PCTP: variants seen among roughly 807,000 people sequenced by gnomAD.
PCTP encodes the protein START domain-containing protein 2.
PCTP carries 27 observed loss-of-function variants against 31.0 expected under a neutral mutation model. The observed-to-expected ratio is 0.87, with a 90% CI of 0.64 to 1.20. The LOEUF (loss-of-function observed/expected upper bound fraction) is 1.20. Ranked by LOEUF, PCTP falls within the 50% of genes most tolerant of loss-of-function variation. The pLI is 0.00. For synonymous variants in PCTP, 108 were observed against 101.2 expected (o/e 1.07, Z -0.40); for missense variants, 287 against 268.2 (o/e 1.07, Z -0.49).
intron 3 of PCTP, among the ~76,000 whole-genome samples, chr17:55,817,067 T>G (rs560578528): frequency 6.6e-6 from 1 of 152,304 alleles, no homozygotes; most frequent in Admixed American, 6.5e-5. Flanking sequence ...GTTAGATAAA[T>G]GACCAGGAGT....
intron 1 of PCTP, among the ~76,000 whole-genome samples, chr17:55,755,450 G>A (rs1185372988): frequency 6.6e-6 from 1 of 152,192 alleles, no homozygotes; most frequent in Admixed American, 6.5e-5. Context: ...TGAAAGAAGA[G>A]TAGAGGCTCT....
At position 55,842,158 on chromosome 17, in the gene PCTP, A is replaced by C. The variant is rs547519471; in HGVS notation, n.506-569A>C. Among the ~76,000 whole-genome samples, 21 of 152,054 alleles carry C rather than the reference A, an allele frequency of 1.4e-4. 1 individual carries two copies. Among genetic ancestry groups the C allele is most frequent in the Admixed American group, 2.6e-4 (4 of 15,284 alleles). Reference sequence around the variant, plus strand: ...TTGAGGGGAGCAACAGGCAATAAACAATAACTATAATAAACAAGTTACAAT... The same window carrying C: ...TTGAGGGGAGCAACAGGCAATAAACCATAACTATAATAAACAAGTTACAAT... On this transcript the variant is annotated intron_variant and non_coding_transcript_variant, in intron 5 of 5. Transcript: ENST00000576221.
intron 3 of PCTP, among the ~76,000 whole-genome samples, chr17:55,820,717 T>C (rs1181091987): frequency 6.6e-6 from 1 of 151,916 alleles, no homozygotes; most frequent in African/African-American, 2.4e-5. Context: ...AAATGGAAAA[T>C]AATCTGAATA....
intron 3 of PCTP, among the ~76,000 whole-genome samples, chr17:55,821,190 A>G (rs1208207383): frequency 6.6e-6 from 1 of 152,242 alleles, no homozygotes; most frequent in East Asian, 1.9e-4. Flanking sequence ...ATATCTGTAC[A>G]ATGAAATATT....
intron 5 of PCTP, among the ~76,000 whole-genome samples, chr17:55,834,053 G>A (rs969560676): frequency 1.3e-5 from 2 of 152,086 alleles, no homozygotes; most frequent in East Asian, 1.9e-4. Context: ...TGTATCTCAC[G>A]AAACACAAGC....
At chr17:55,822,599 A>G (rs1374663534) in intron 3 of PCTP, among the ~76,000 whole-genome samples, 1 of 152,196 alleles carries the variant, frequency 6.6e-6, no homozygotes, top group East Asian at 1.9e-4. Context: ...CAATTTAAGA[A>G]TATACTCTTT....
At chr17:55,763,077 T>C (rs1409587649) in intron 1 of PCTP, among the ~76,000 whole-genome samples, 2 of 152,174 alleles carry the variant, frequency 1.3e-5, no homozygotes, top group Non-Finnish European at 2.9e-5. Context: ...CTGGAGGAGC[T>C]TCAGGAAAAG....
At chr17:55,801,507 A>G (rs1912380141) in intron 3 of PCTP, among the ~76,000 whole-genome samples, 1 of 152,182 alleles carries the variant, frequency 6.6e-6, no homozygotes, top group African/African-American at 2.4e-5. Context: ...AAATCATAAC[A>G]AACAGTCTCT....
intron 3 of PCTP, 94 bp downstream of exon 3, chr17:55,771,279 C>A: frequency 1.1e-6 from 1 of 916,256 alleles, no homozygotes; most frequent in Non-Finnish European, 1.8e-6. Context: ...GCTGGTTTCT[C>A]AGCAGGCACA....
chr17:55,844,862 G>A (rs773816039), downstream of PCTP, among the ~76,000 whole-genome samples: 6 of 151,768 alleles, frequency 4.0e-5, no homozygotes, highest in Non-Finnish European at 7.4e-5. Context: ...GCCCGAGGCG[G>A]GTGATCACCT....
At chr17:55,751,525 G>A in intron 1 of PCTP, 1 of 1,470,542 alleles carries the variant, frequency 6.8e-7, no homozygotes, top group Non-Finnish European at 9.0e-7. Context: ...CAGTTGAAAC[G>A]TGGGTCAGCT....
At chr17:55,839,919 C>CAAAAAAAAAAAAAAAA (rs57402824) in intron 5 of PCTP, among the ~76,000 whole-genome samples, 9 of 12,506 alleles carry the variant, frequency 7.2e-4, no homozygotes, top group Non-Finnish European at 9.7e-4. Flanking sequence ...GACTCAGTCT[C>CAAAAAAAAAAAAAAAA]AAAAAAAAAA....
downstream of PCTP, among the ~76,000 whole-genome samples, chr17:55,827,449 C>T (rs1905436187): frequency 6.6e-6 from 1 of 152,216 alleles, no homozygotes. Flanking sequence ...CCCACAGAAA[C>T]AAGAATGCTC....
chr17:55,769,347 T>G (rs1376640998), intron 2 of PCTP: 1 of 152,248 alleles, frequency 6.6e-6, no homozygotes, highest in Admixed American at 6.5e-5. Flanking sequence ...GGCAGTGGGA[T>G]GCTTACCTAT....
chr17:55,806,129 GTCC>G (rs1912573450), intron 3 of PCTP, among the ~76,000 whole-genome samples: 1 of 152,016 alleles, frequency 6.6e-6, no homozygotes, highest in African/African-American at 2.4e-5. Flanking sequence ...GGATCACAGA[GTCC>G]TATTATTAGA....
intron 3 of PCTP, among the ~76,000 whole-genome samples, chr17:55,815,500 C>A (rs144933473): frequency 2.6e-5 from 4 of 152,258 alleles, no homozygotes; most frequent in Admixed American, 2.6e-4. Flanking sequence ...TACAAGTTAC[C>A]ACAGGGCTAA....
chr17:55,790,366 C>A (rs1911913260), intron 3 of PCTP, among the ~76,000 whole-genome samples: 1 of 152,126 alleles, frequency 6.6e-6, no homozygotes, highest in South Asian at 2.1e-4. Context: ...GTCAAATTGT[C>A]CCTGTTTGCA....
At chr17:55,774,884 G>T (rs1033179614) in intron 5 of PCTP, 25 bp downstream of exon 5, 6 of 575,502 alleles carry the variant, frequency 1.0e-5, no homozygotes, top group East Asian at 4.7e-5. Flanking sequence ...GGTGGGGCGG[G>T]GGGAGGGATG....
At chr17:55,800,664 A>T (rs113380011) in intron 3 of PCTP, among the ~76,000 whole-genome samples, 6,437 of 152,064 alleles carry the variant, frequency 0.042, 444 homozygotes, top group African/African-American at 0.14. Context: ...CATTCTTTGT[A>T]ATAAATAGCT....
Sources: allele counts gnomAD v4.1 joint callset (sites outside exome capture counted in the v4.1 genomes callset), GRCh38; gene constraint gnomAD v4.1.1; transcripts MANE v1.5; gene names NCBI Gene and HGNC (gene_info 2026-07-23, HGNC 2026-07-21).